Variants in EYA2 observed in about 807,000 individuals in gnomAD.
EYA2 encodes protein phosphatase EYA2.
Under a neutral mutation model 69.2 loss-of-function variants are expected in EYA2, and 31 were observed. That is an observed-to-expected ratio of 0.45 (90% CI 0.34 to 0.60). The LOEUF (loss-of-function observed/expected upper bound fraction) is 0.60, where lower values mean the gene tolerates loss of function less well. EYA2 is among the 20% of genes least tolerant of loss of function. The pLI is 0.02. For missense variants in EYA2, 622 were observed against 701.2 expected, an observed-to-expected ratio of 0.89 and a Z score of 1.28; for synonymous variants, 257 against 279.4, an observed-to-expected ratio of 0.92 and a Z score of 0.80.
chr20:47,113,718 A>G (rs1253491303), intron 9 of EYA2, among the ~76,000 whole-genome samples: 1 of 152,198 alleles, frequency 6.6e-6, no homozygotes, highest in Non-Finnish European at 1.5e-5. Flanking sequence ...AGAGAGAGAA[A>G]TGCCCAGCAT....
At chr20:47,086,033 A>C (rs1002465554) in intron 7 of EYA2, among the ~76,000 whole-genome samples, 4 of 152,234 alleles carry the variant, frequency 2.6e-5, no homozygotes, top group Non-Finnish European at 5.9e-5. Context: ...TAAACACATT[A>C]AAAGAGAGAA....
intron 9 of EYA2, among the ~76,000 whole-genome samples, chr20:47,133,815 G>A (rs2033397836): frequency 1.3e-5 from 2 of 152,192 alleles, no homozygotes. Context: ...CTTGAGCCTT[G>A]ATGTCCAGGG....
intron 7 of EYA2, among the ~76,000 whole-genome samples, chr20:47,082,248 GAT>G (rs1188302331): frequency 1.3e-5 from 2 of 151,872 alleles, no homozygotes; most frequent in Non-Finnish European, 2.9e-5. Flanking sequence ...TTCATCCAAA[GAT>G]ATGATTATTT....
intron 4 of EYA2, among the ~76,000 whole-genome samples, chr20:47,014,628 A>ATG (rs56005987): frequency 0.11 from 16,087 of 144,406 alleles, 878 homozygotes; most frequent in Middle Eastern, 0.19. Flanking sequence ...TGTGCACAAA[A>ATG]TGTGTGTGTG....
At chr20:47,120,043 C>T (rs903066517) in intron 9 of EYA2, among the ~76,000 whole-genome samples, 17 of 152,304 alleles carry the variant, frequency 1.1e-4, no homozygotes, top group African/African-American at 3.8e-4. Flanking sequence ...CCCGTCTATA[C>T]TAAAAGTACA....
chr20:46,922,196 G>A (rs1985207929), intron 1 of EYA2, among the ~76,000 whole-genome samples: 2 of 152,274 alleles, frequency 1.3e-5, no homozygotes, highest in South Asian at 2.1e-4. Flanking sequence ...TCATCACCCC[G>A]GAGGACAGGA....
chr20:46,980,201 ATC>A (rs1339359973), intron 1 of EYA2, among the ~76,000 whole-genome samples: 16 of 152,292 alleles, frequency 1.1e-4, no homozygotes, highest in African/African-American at 3.9e-4. Flanking sequence ...CTGTCTCCTT[ATC>A]TCTACCTACT....
At chr20:46,957,789 T>C (rs1310435351) in intron 1 of EYA2, among the ~76,000 whole-genome samples, 1 of 152,188 alleles carries the variant, frequency 6.6e-6, no homozygotes, top group South Asian at 2.1e-4. Flanking sequence ...TGCAAGAGGA[T>C]AAATTTCTGT....
At chr20:47,121,401 A>C (rs113575964) in intron 9 of EYA2, among the ~76,000 whole-genome samples, 1 of 152,120 alleles carries the variant, frequency 6.6e-6, no homozygotes, top group African/African-American at 2.4e-5. Context: ...CCAGAATTCA[A>C]TGTTTTCGTA....
chr20:47,180,753 C>A, intron 13 of EYA2, 62 bp from the exon 14 acceptor site: 1 of 1,584,760 alleles, frequency 6.3e-7, no homozygotes. Flanking sequence ...GCTCATGCAG[C>A]AAGAGGAGGC....
At chr20:47,172,989 A>C in intron 12 of EYA2, 122 bp downstream of exon 12, 5 of 1,088,658 alleles carry the variant, frequency 4.6e-6, no homozygotes, top group Non-Finnish European at 6.5e-6. Flanking sequence ...AGCCCACTTA[A>C]TGCAACCCTG....
chr20:46,991,376 G>T (rs560152628), intron 2 of EYA2, among the ~76,000 whole-genome samples: 1 of 152,162 alleles, frequency 6.6e-6, no homozygotes, highest in Non-Finnish European at 1.5e-5. Flanking sequence ...GTCAAATGGG[G>T]GCATAATGGC....
At chr20:46,956,398 C>T (rs1979128160) in intron 1 of EYA2, among the ~76,000 whole-genome samples, 1 of 152,220 alleles carries the variant, frequency 6.6e-6, no homozygotes, top group East Asian at 1.9e-4. Context: ...AACACAGTCA[C>T]AATGGATCTC....
chr20:46,938,295 TGA>T (rs953108673), intron 1 of EYA2, among the ~76,000 whole-genome samples: 31 of 152,332 alleles, frequency 2.0e-4, no homozygotes, highest in Admixed American at 1.7e-3. Flanking sequence ...TGTGAAACCA[TGA>T]GAGTTACTTG....
chr20:47,154,859 G>GTT (rs1555832409), intron 10 of EYA2, among the ~76,000 whole-genome samples: 7 of 144,424 alleles, frequency 4.8e-5, no homozygotes, highest in African/African-American at 1.3e-4. Flanking sequence ...GTGTGTGTGT[G>GTT]TTTTGAGATG....
At chr20:47,117,603 G>A (rs954404029) in intron 9 of EYA2, 18 of 985,236 alleles carry the variant, frequency 1.8e-5, no homozygotes, top group East Asian at 2.3e-4. Context: ...GGCGATAGGC[G>A]GCTTGGCCTG....
intron 11 of EYA2, among the ~76,000 whole-genome samples, chr20:47,170,235 T>C (rs1418680450): frequency 6.6e-6 from 1 of 151,862 alleles, no homozygotes; most frequent in Non-Finnish European, 1.5e-5. Context: ...AATATAACAA[T>C]TGATACAGCC....
At chr20:46,937,374 G>C (rs1434426783) in intron 1 of EYA2, among the ~76,000 whole-genome samples, 1 of 152,246 alleles carries the variant, frequency 6.6e-6, no homozygotes, top group Non-Finnish European at 1.5e-5. Flanking sequence ...GGAAGAGTGA[G>C]TACTCACTTT....
At chr20:47,138,684 G>A (rs182787691) in intron 9 of EYA2, among the ~76,000 whole-genome samples, 1 of 151,960 alleles carries the variant, frequency 6.6e-6, no homozygotes, top group African/African-American at 2.4e-5. Context: ...GAACCTGGGA[G>A]GTCGAGGCTG....
Sources: gnomAD v4.1 joint callset for allele counts (sites outside exome capture counted in the v4.1 genomes callset) on GRCh38, gnomAD v4.1.1 for gene constraint, MANE v1.5 for transcripts, NCBI Gene and HGNC (gene_info 2026-07-23, HGNC 2026-07-21) for gene names.